The following STPG2 variants were observed in gnomAD, a reference collection of about 807,000 sequenced individuals.
The protein encoded by STPG2 is sperm tail PG-rich repeat containing 2.
Under a neutral mutation model 54.2 loss-of-function variants are expected in STPG2, and 56 were observed. The observed-to-expected ratio is 1.03, with a 90% CI of 0.83 to 1.29. The LOEUF (loss-of-function observed/expected upper bound fraction) is 1.29. Among genes scored for constraint, STPG2 ranks in the 50% most tolerant of loss-of-function variants. The pLI is 0.00. For synonymous variants in STPG2, 200 were observed against 181.8 expected (o/e 1.10, Z -0.81); for missense variants, 596 against 544.9 (o/e 1.09, Z -0.93).
intron 9 of STPG2, among the ~76,000 whole-genome samples, chr4:97,835,436 T>TA (rs1251574213): frequency 6.6e-6 from 1 of 152,066 alleles, no homozygotes; most frequent in East Asian, 1.9e-4. Flanking sequence ...GTCTATGGAG[T>TA]AGCCATTCTT....
At chr4:97,662,075 A>C (rs1285811702) in intron 10 of STPG2, among the ~76,000 whole-genome samples, 1 of 152,200 alleles carries the variant, frequency 6.6e-6, no homozygotes, top group Non-Finnish European at 1.5e-5. Flanking sequence ...TGGCAAAATA[A>C]ATTATCAATA....
intron 5 of STPG2, among the ~76,000 whole-genome samples, chr4:98,018,791 T>G (rs867989719): frequency 6.6e-6 from 1 of 152,220 alleles, no homozygotes. Context: ...TTTTTTCATG[T>G]GTTTTTTGGC....
At chr4:98,055,132 C>G (rs1051370085) in intron 5 of STPG2, among the ~76,000 whole-genome samples, 5 of 151,954 alleles carry the variant, frequency 3.3e-5, no homozygotes, top group Admixed American at 2.0e-4. Flanking sequence ...ATGGGAGAAT[C>G]CTAGATTATA....
At chr4:98,010,179 T>A (rs1049622584) in intron 5 of STPG2, among the ~76,000 whole-genome samples, 8 of 152,098 alleles carry the variant, frequency 5.3e-5, no homozygotes, top group African/African-American at 1.9e-4. Flanking sequence ...ATCCCCGAGC[T>A]TCATTTTTAA....
intron 9 of STPG2, among the ~76,000 whole-genome samples, chr4:97,793,557 CT>C (rs987840788): frequency 1.4e-4 from 21 of 151,856 alleles, no homozygotes; most frequent in Admixed American, 6.6e-4. Context: ...TTACTAAAAT[CT>C]TTTACCAAAG....
At chr4:97,580,032 T>A (rs1273277752) in intron 10 of STPG2, among the ~76,000 whole-genome samples, 3 of 152,016 alleles carry the variant, frequency 2.0e-5, no homozygotes, top group African/African-American at 7.2e-5. Context: ...ATGATCTTCA[T>A]CACTCTGGTA....
intron 10 of STPG2, among the ~76,000 whole-genome samples, chr4:97,619,071 C>T (rs1185701794): frequency 3.3e-5 from 5 of 152,126 alleles, no homozygotes; most frequent in Admixed American, 2.6e-4. Context: ...TACAGATGCT[C>T]CTTCTCATTT....
intron 4 of STPG2, among the ~76,000 whole-genome samples, chr4:97,536,230 T>G (rs1363614003): frequency 2.0e-5 from 3 of 152,198 alleles, no homozygotes; most frequent in Non-Finnish European, 2.9e-5. Context: ...TTGAGTTCAT[T>G]GATCTATGGG....
chr4:97,958,990 T>A (rs1254124837), intron 7 of STPG2, among the ~76,000 whole-genome samples: 1 of 152,134 alleles, frequency 6.6e-6, no homozygotes, highest in Non-Finnish European at 1.5e-5. Context: ...CAAGCCTCAA[T>A]AAATTTAAGA....
At chr4:97,477,174 GT>G (rs1395302196) in intron 4 of STPG2, among the ~76,000 whole-genome samples, 2 of 151,992 alleles carry the variant, frequency 1.3e-5, no homozygotes, top group Non-Finnish European at 2.9e-5. Context: ...TATTAACTTT[GT>G]TTTTTGGTGT....
intron 10 of STPG2, among the ~76,000 whole-genome samples, chr4:97,709,490 A>C (rs1724046102): frequency 9.5e-6 from 1 of 105,504 alleles, no homozygotes; most frequent in South Asian, 3.7e-4. Context: ...TAAAAATTAT[A>C]CTCATAAAAT....
At chr4:98,007,746 C>A (rs1735618230) in intron 5 of STPG2, among the ~76,000 whole-genome samples, 1 of 150,450 alleles carries the variant, frequency 6.6e-6, no homozygotes, top group African/African-American at 2.5e-5. Context: ...GAGAAATTTA[C>A]CAAACAGATA....
At chr4:97,502,038 ATT>A (rs1730736087) in intron 4 of STPG2, among the ~76,000 whole-genome samples, 1 of 152,040 alleles carries the variant, frequency 6.6e-6, no homozygotes, top group South Asian at 2.1e-4. Flanking sequence ...AATATAGGAA[ATT>A]CAGAGAAAAG....
intron 2 of STPG2, among the ~76,000 whole-genome samples, chr4:98,129,027 C>T (rs991520624): frequency 6.6e-6 from 1 of 152,094 alleles, no homozygotes; most frequent in Non-Finnish European, 1.5e-5. Context: ...AGCCACTGTG[C>T]CTGGCCAAAA....
intron 9 of STPG2, among the ~76,000 whole-genome samples, chr4:97,765,606 A>G (rs1726018085): frequency 6.6e-6 from 1 of 152,178 alleles, no homozygotes; most frequent in African/African-American, 2.4e-5. Context: ...TATATGGAGA[A>G]GAACTTCAAC....
intron 8 of STPG2, among the ~76,000 whole-genome samples, chr4:97,909,507 AAAG>A (rs1306944827): frequency 1.4e-4 from 21 of 152,174 alleles, no homozygotes; most frequent in Admixed American, 6.6e-4. Context: ...AAATTACTAA[AAAG>A]GAAATTACAG....
At chr4:97,813,140 C>G (rs1727795685) in intron 9 of STPG2, among the ~76,000 whole-genome samples, 1 of 152,286 alleles carries the variant, frequency 6.6e-6, no homozygotes, top group South Asian at 2.1e-4. Flanking sequence ...AGTCTCTCAT[C>G]TGTCTCCCTG....
rs776662390 is a variant in STPG2, at chr4:97,712,745, C to CG, written c.1273dup (p.Arg425ProfsTer3). ...AGTAATCTCTTTGGACTCTTCAAAG[C>CG]GCTTTGATGCTTTCACAAATAAGGG... On this transcript the variant is annotated frameshift_variant, in exon 10 of 11. Transcript: ENST00000295268. LOFTEE classifies it high-confidence loss of function. 1.9e-6 allele frequency: 3 copies of CG among 1,609,194 alleles called. 1 individual carries two copies. The South Asian group carries it at 3.3e-5, about 18-fold the overall frequency.
chr4:97,555,528 A>G (rs541592603), downstream of STPG2, among the ~76,000 whole-genome samples: 2 of 152,278 alleles, frequency 1.3e-5, no homozygotes, highest in South Asian at 4.1e-4. Context: ...AGATTACTGT[A>G]GAAAGAATGA....
Sources: allele counts gnomAD v4.1 joint callset (sites outside exome capture counted in the v4.1 genomes callset), GRCh38; gene constraint gnomAD v4.1.1; transcripts MANE v1.5; gene names NCBI Gene and HGNC (gene_info 2026-07-23, HGNC 2026-07-21).